Variants in AXDND1 observed in about 807,000 individuals in gnomAD.
The protein encoded by AXDND1 is axonemal dynein light chain domain containing 1, also known as axonemal dynein light chain domain-containing protein 1.
AXDND1 carries 110 observed loss-of-function variants against 137.5 expected under a neutral mutation model. The ratio of observed to expected loss-of-function variants is 0.80; its 90% CI spans 0.69 to 0.94. The LOEUF is 0.94. Ranked by LOEUF, AXDND1 falls within the 40% of genes least tolerant of loss-of-function variation. The pLI is 0.00. For synonymous variants in AXDND1, 414 were observed against 399.7 expected, an observed-to-expected ratio of 1.04 and a Z score of -0.43; for missense variants, 1,191 against 1,169.8, an observed-to-expected ratio of 1.02 and a Z score of -0.26.
At chr1:179,400,830 A>G (rs7513711) in intron 11 of AXDND1, among the ~76,000 whole-genome samples, 125,591 of 146,036 alleles carry the variant, frequency 0.86, 54,055 homozygotes, top group East Asian at 0.9. Context: ...GCGTGAACCC[A>G]GGAGGCAGAG....
chr1:179,503,538 AT>A (rs1283104420), intron 20 of AXDND1, among the ~76,000 whole-genome samples: 10 of 151,582 alleles, frequency 6.6e-5, no homozygotes, highest in Non-Finnish European at 1.5e-4. Context: ...CTTTTTTTTA[AT>A]TTTTATTTTT....
intron 23 of AXDND1, among the ~76,000 whole-genome samples, chr1:179,531,006 AAGGCTCAAAGGTT>A (rs1176682508): frequency 2.6e-5 from 4 of 152,192 alleles, no homozygotes; most frequent in Admixed American, 6.5e-5. Context: ...GATCTTCTTG[AAGGCTCAAAGGTT>A]AGGCTTTTTC....
chr1:179,369,062 T>C lies in AXDND1; in HGVS notation c.270+90T>C. 2.3e-6 allele frequency: 3 copies of C among 1,281,498 alleles called. No homozygotes were observed. The South Asian group carries it at 4.6e-5, about 20-fold the overall frequency. The allele number at this position is 1,281,498 out of a possible 1,614,324, so 79.4% of individuals were successfully genotyped here. A position where few individuals can be genotyped will look rare whatever the true frequency, so the allele number is the denominator to read the frequency against. The stretch of plus-strand genomic sequence containing the variant: ...GTATTTATTATGCACATATTATATA[T>C]TCCAGATAGCCTTAAAAATTTTAAG... On this transcript the variant is annotated intron_variant, in intron 3 of 25. Transcript: ENST00000367618.
chr1:179,550,991 C>T, intron 25 of AXDND1: 2 of 709,166 alleles, frequency 2.8e-6, no homozygotes, highest in Non-Finnish European at 4.7e-6. Flanking sequence ...TGTTGTCTGC[C>T]TTCTCTGTCA....
At chr1:179,423,682 A>G (rs891179071) in intron 12 of AXDND1, among the ~76,000 whole-genome samples, 7 of 150,436 alleles carry the variant, frequency 4.7e-5, no homozygotes, top group Non-Finnish European at 1.0e-4. Context: ...AATTTATCTT[A>G]GATTACAAAA....
intron 22 of AXDND1, among the ~76,000 whole-genome samples, chr1:179,525,833 A>G (rs11580524): frequency 6.6e-6 from 1 of 151,890 alleles, no homozygotes; most frequent in Admixed American, 6.6e-5. Context: ...AGTGGGGGGA[A>G]AATTATAGAC....
intron 18 of AXDND1, among the ~76,000 whole-genome samples, chr1:179,488,203 A>G (rs139243591): frequency 6.7e-6 from 1 of 148,170 alleles, no homozygotes; most frequent in African/African-American, 2.6e-5. Context: ...AGATTTTTAA[A>G]AAGATTAGAA....
chr1:179,481,540 G>A (rs1665382597), intron 17 of AXDND1, among the ~76,000 whole-genome samples: 1 of 152,084 alleles, frequency 6.6e-6, no homozygotes, highest in African/African-American at 2.4e-5. Context: ...TCTAGTTCTG[G>A]ATCCCTGAGG....
At chr1:179,402,653 A>G (rs971937018) in intron 11 of AXDND1, among the ~76,000 whole-genome samples, 4 of 152,126 alleles carry the variant, frequency 2.6e-5, no homozygotes, top group Non-Finnish European at 5.9e-5. Flanking sequence ...AATATGCTAT[A>G]ATTACTCCCA....
At position 179,551,016 on chromosome 1, in the gene AXDND1, C is replaced by T. The variant is rs1410590; in HGVS notation, c.3032-3496C>T. The stretch of plus-strand genomic sequence containing the variant: ...CTTCTCTGTCATTACATCATTTCAC[C>T]GTCTTCTCATGGATGGTGCATTGTG... On this transcript the variant is annotated intron_variant, in intron 25 of 25. Transcript: ENST00000367618. 0.92 allele frequency: 766,417 copies of T among 829,342 alleles called. 354,642 individuals carry two copies. Among genetic ancestry groups the T allele is most frequent in the East Asian group, 0.97 (36,560 of 37,684 alleles). The allele number at this position is 829,342 out of a possible 1,614,324, so 51.4% of individuals were successfully genotyped here. A position where few individuals can be genotyped will look rare whatever the true frequency, so the allele number is the denominator to read the frequency against.
chr1:179,476,920 G>C (rs551065466), intron 17 of AXDND1, among the ~76,000 whole-genome samples: 7 of 152,204 alleles, frequency 4.6e-5, no homozygotes, highest in African/African-American at 9.6e-5. Context: ...TTCAGATCCT[G>C]TTTCTTTGAA....
At chr1:179,483,598 T>C (rs1388621979) in intron 18 of AXDND1, among the ~76,000 whole-genome samples, 1 of 152,230 alleles carries the variant, frequency 6.6e-6, no homozygotes, top group African/African-American at 2.4e-5. Context: ...ATTCCAGCAC[T>C]GTTGGTATCT....
At chr1:179,517,087 G>A (rs11802834) in intron 21 of AXDND1, among the ~76,000 whole-genome samples, 6,979 of 152,226 alleles carry the variant, frequency 0.046, 241 homozygotes, top group Non-Finnish European at 0.07. Flanking sequence ...AGGGCTAGGC[G>A]TGTCTGAGCT....
chr1:179,550,969 G>A (rs1483854579), intron 25 of AXDND1: 3 of 641,874 alleles, frequency 4.7e-6, no homozygotes, highest in Admixed American at 2.6e-5. Context: ...GACTAGATGA[G>A]TCACGGAAAC....
At chr1:179,525,508 TA>T in intron 22 of AXDND1, 61 bp downstream of exon 22, 1 of 1,480,888 alleles carries the variant, frequency 6.8e-7, no homozygotes, top group Non-Finnish European at 9.0e-7. Context: ...TACATACATA[TA>T]TTTTAGAGAC....
chr1:179,414,435 A>ATTTATTTT lies in AXDND1; in HGVS notation c.1230+3172_1230+3173insATTTTTTT, dbSNP rs1032149429. On this transcript the variant is annotated intron_variant, in intron 12 of 25. Coordinates refer to ENST00000367618, the MANE Select transcript of AXDND1 (RefSeq NM_144696.6). ...TCTTTATTTATTTATTTATTTATTT[A>ATTTATTTT]TTTTTTTGAGATGGAGTCTCGCTCT... 5.6e-4 allele frequency among the ~76,000 whole-genome samples: 74 copies of ATTTATTTT among 132,904 alleles called. No homozygotes were observed. In the South Asian group the frequency reaches 9.2e-3, roughly 16 times the overall value. The allele number at this position is 132,904 out of a possible 152,430, so 87.2% of individuals were successfully genotyped here.
rs552052737 is a variant in AXDND1, at chr1:179,412,223, A to G, written c.1230+957A>G. On this transcript the variant is annotated intron_variant, in intron 12 of 25. Transcript: ENST00000367618. ...GAAATATGGTACACTGTGGACCATT[A>G]TAGTAATACTTTAGGGAAATAGCAA... is the stretch of plus-strand genomic sequence containing the variant. Among the ~76,000 whole-genome samples the G allele has an allele frequency of 5.9e-5, 9 of 152,328 alleles. No individual in the cohort carries two copies. In the East Asian group the frequency reaches 9.6e-4, roughly 16 times the overall value.
At chr1:179,451,824 A>T (rs1229886829) in intron 16 of AXDND1, 1 of 152,838 alleles carries the variant, frequency 6.5e-6, no homozygotes, top group Non-Finnish European at 1.5e-5. Context: ...AGCCGCATGG[A>T]ACTATAAGTC....
chr1:179,400,340 A>G (rs1382157865), intron 11 of AXDND1, among the ~76,000 whole-genome samples: 1 of 152,078 alleles, frequency 6.6e-6, no homozygotes. Context: ...AAAACCAAAC[A>G]TTGTATGTTC....
Sources: gnomAD v4.1 joint callset for allele counts (sites outside exome capture counted in the v4.1 genomes callset) on GRCh38, gnomAD v4.1.1 for gene constraint, MANE v1.5 for transcripts, NCBI Gene and HGNC (gene_info 2026-07-23, HGNC 2026-07-21) for gene names.